PIAS3: variants seen among roughly 807,000 people sequenced by gnomAD.
PIAS3 encodes the protein protein inhibitor of activated STAT 3.
PIAS3 carries 34 observed loss-of-function variants against 67.6 expected under a neutral mutation model. The ratio of observed to expected loss-of-function variants is 0.50; its 90% confidence interval spans 0.38 to 0.67. PIAS3 has a LOEUF of 0.67. Among genes scored for constraint, PIAS3 ranks in the 30% least tolerant of loss-of-function variants. The pLI is 0.00. For missense variants in PIAS3, 693 were observed against 791.6 expected (o/e 0.88, Z 1.49); for synonymous variants, 341 against 313.8 (o/e 1.09, Z -0.92).
Position 145,849,324 on chromosome 1 carries a change from C to A in PIAS3, c.*122G>T. The A allele has an allele frequency of 9.9e-7, 1 of 1,012,476 alleles. No homozygotes were observed. The highest frequency in any genetic ancestry group is 1.3e-6 in the Non-Finnish European group (1 of 749,636). The allele number at this position is 1,012,476 out of a possible 1,614,324, so 62.7% of individuals were successfully genotyped here. On this transcript the variant is annotated 3_prime_UTR_variant, in exon 14 of 14. Coordinates refer to ENST00000393045, the MANE Select transcript of PIAS3 (RefSeq NM_006099.3). ...CAGAGATGAGGCCAAAAGTAGGCAT[C>A]TGTGAAGGTCTGTCTGGCCCTTGGC...
intron 4 of PIAS3, 38 bp downstream of exon 4, chr1:145,856,030 C>G (rs782535681): frequency 3.9e-6 from 6 of 1,557,780 alleles, no homozygotes; most frequent in Non-Finnish European, 5.3e-6. Flanking sequence ...CTCCTACCCC[C>G]AGTGGGTACC....
chr1:145,849,576 G>A lies in PIAS3; in HGVS notation c.1757C>T (p.Pro586Leu), dbSNP rs781998989. The A allele has an allele frequency of 1.9e-5, 31 of 1,611,340 alleles. No homozygotes were observed. Among genetic ancestry groups the A allele is most frequent in the South Asian group, 4.4e-5 (4 of 90,572 alleles). The change falls in exon 14 of 14, where the codon CCG (proline) becomes CTG (leucine). Residue 586 changes from proline to leucine, a missense_variant. Pro to Leu is a moderately conservative substitution (Grantham distance 98, BLOSUM62 -3). Transcript: ENST00000393045. ...TLGSSHCSAT[P>L]APPPGRVSSI... is the part of the protein sequence containing the mutation. ...GCTGACACGGCCAGGAGGGGGCGCCGGAGTGGCGCTGCAGTGGGAGCTCCC... is the reference window on the plus strand; with the variant it reads ...GCTGACACGGCCAGGAGGGGGCGCCAGAGTGGCGCTGCAGTGGGAGCTCCC...
intron 4 of PIAS3, 86 bp downstream of exon 4, chr1:145,855,982 G>A: frequency 8.6e-7 from 1 of 1,167,600 alleles, no homozygotes; most frequent in Non-Finnish European, 1.3e-6. Flanking sequence ...GGCAGAGCAG[G>A]GACATCTCGT....
At chr1:145,853,445 T>C (rs1451973559) in intron 9 of PIAS3, 59 bp downstream of exon 9, 1 of 1,139,628 alleles carries the variant, frequency 8.8e-7, no homozygotes, top group African/African-American at 1.6e-5. Context: ...GAAAAAGAAA[T>C]AACCAAGAAA....
intron 1 of PIAS3, 116 bp downstream of exon 1, chr1:145,858,851 G>A (rs1197135580): frequency 1.1e-6 from 1 of 903,008 alleles, no homozygotes; most frequent in Admixed American, 4.1e-5. Context: ...TCAGCAGCTC[G>A]TGCCTGCCAC....
chr1:145,858,382 G>C (rs980923702), intron 1 of PIAS3, among the ~76,000 whole-genome samples: 1 of 151,778 alleles, frequency 6.6e-6, no homozygotes, highest in Non-Finnish European at 1.5e-5. Flanking sequence ...GATTCACTAC[G>C]GCAGGACCTT....
chr1:145,853,828 C>T lies in PIAS3; in HGVS notation c.969G>A (p.Val323=), dbSNP rs1452387566. 7.4e-6 allele frequency: 12 copies of T among 1,613,960 alleles called. No individual in the cohort carries two copies. The highest frequency in any genetic ancestry group is 1.0e-5 in the Non-Finnish European group (12 of 1,179,964). ...DSEVATTSLR[V]SLMCPLGKMR... Reference sequence around the variant, plus strand: ...TTTTACCCACCGGGCACATGAGTGACACCCGGAGACTTGTAGTGGCCACCT... The same window carrying T: ...TTTTACCCACCGGGCACATGAGTGATACCCGGAGACTTGTAGTGGCCACCT... Residue 323 remains valine, a synonymous_variant, in exon 8 of 14, where the codon GTG becomes GTA. Coordinates refer to ENST00000393045, the MANE Select transcript of PIAS3 (RefSeq NM_006099.3).
At position 145,849,003 on chromosome 1, in the gene PIAS3, A is replaced by C; in HGVS notation, c.*443T>G. On this transcript the variant is annotated 3_prime_UTR_variant, in exon 14 of 14. Transcript: ENST00000393045. Reference sequence around the variant, plus strand: ...TGTCTGTTTGGCCGAAGGGAATGGAATAGACATGAAGAGACAATGGATGTG... The same window carrying C: ...TGTCTGTTTGGCCGAAGGGAATGGACTAGACATGAAGAGACAATGGATGTG... 6.1e-6 allele frequency: 1 copy of C among 162,952 alleles called. No homozygotes were observed. The allele number at this position is 162,952 out of a possible 1,614,324, so 10.1% of individuals were successfully genotyped here. A position where few individuals can be genotyped will look rare whatever the true frequency, so the allele number is the denominator to read the frequency against.
rs185601681 is a variant in PIAS3, at chr1:145,850,233, T to G, written c.1619A>C (p.Gln540Pro). 2 of 1,614,202 alleles carry G rather than the reference T, an allele frequency of 1.2e-6. No homozygotes were observed. Among genetic ancestry groups the G allele is most frequent in the Non-Finnish European group, 1.7e-6 (2 of 1,180,020 alleles). ...DLFSFLQTESQHYGPSVITSL... is the reference protein window; with the variant it reads ...DLFSFLQTESPHYGPSVITSL... ...CCTTCTGAAGAAAGAACCACTTACC[T>G]GACTCTCTGTCTGAAGAAATGAAAA... Residue 540 changes from glutamine (Q) to proline (P), a missense_variant and splice_region_variant, in exon 13 of 14, where the codon CAG becomes CCG. Gln to Pro is a moderately conservative substitution (Grantham distance 76). Transcript: ENST00000393045.
At position 145,853,641 on chromosome 1, in the gene PIAS3, G is replaced by C. The variant is rs782134992; in HGVS notation, c.1008C>G (p.Val336=). Reference sequence around the variant, plus strand: ...GGGCGCAGGTGAGGGCACGACAAGGGACAGTCAGGCGCATCTTCCCTAGCT... The same window carrying C: ...GGGCGCAGGTGAGGGCACGACAAGGCACAGTCAGGCGCATCTTCCCTAGCT... ...MCPLGKMRLT[V]PCRALTCAHL... is the part of the protein sequence containing the mutation. Residue 336 remains valine, a synonymous_variant, in exon 9 of 14, where the codon GTC becomes GTG. Transcript: ENST00000393045. 3 of 1,614,004 alleles carry C rather than the reference G, an allele frequency of 1.9e-6. No individual in the cohort carries two copies. In the Admixed American group the frequency reaches 5.0e-5, roughly 27 times the overall value.
chr1:145,855,234 C>A (rs1262931920), intron 5 of PIAS3, among the ~76,000 whole-genome samples: 2 of 152,170 alleles, frequency 1.3e-5, no homozygotes, highest in African/African-American at 4.8e-5. Context: ...GTAATCCCAG[C>A]ACTTTAGGAA....
Position 145,849,382 on chromosome 1 carries a change from T to A in PIAS3, c.*64A>T, listed in dbSNP as rs2101675919. The A allele has an allele frequency of 7.0e-7, 1 of 1,420,212 alleles. No individual in the cohort carries two copies. The highest frequency in any genetic ancestry group is 2.6e-5 in the East Asian group (1 of 37,806). 88.0% of individuals were successfully genotyped at this position (1,420,212 alleles called of 1,614,324 possible). A position where few individuals can be genotyped will look rare whatever the true frequency, so the allele number is the denominator to read the frequency against. ...CCCAGAGGGATCAGAGTAGCTGGGG[T>A]TGGGACTCCACAGCATACTTGCTCA... On this transcript the variant is annotated 3_prime_UTR_variant, in exon 14 of 14. Coordinates refer to ENST00000393045, the MANE Select transcript of PIAS3 (RefSeq NM_006099.3).
Position 145,855,951 on chromosome 1 carries a change from C to A in PIAS3, c.578+117G>T, listed in dbSNP as rs371745199. On this transcript the variant is annotated intron_variant, in intron 4 of 13. Coordinates refer to ENST00000393045, the MANE Select transcript of PIAS3 (RefSeq NM_006099.3). Reference sequence around the variant, plus strand: ...GAAGCCCTCAGCATCCAACAAGAGTCGCAGGGCTGCAGTAGGCAGTGGCAG... The same window carrying A: ...GAAGCCCTCAGCATCCAACAAGAGTAGCAGGGCTGCAGTAGGCAGTGGCAG... The A allele has an allele frequency of 1.3e-4, 136 of 1,061,324 alleles. 1 individual carries two copies. In the African/African-American group the frequency reaches 1.7e-3, roughly 14 times the overall value. 65.7% of individuals were successfully genotyped at this position (1,061,324 alleles called of 1,614,324 possible).
rs199636985 is a variant in PIAS3 at position 145,849,529 on chromosome 1, C to A, written c.1804G>T (p.Ala602Ser). The change falls in exon 14 of 14, where the codon GCC becomes TCC. Residue 602 changes from alanine to serine, a missense_variant. Ala to Ser is a moderately conservative substitution (Grantham distance 99). This residue lies in a region of PIAS3 where 270 missense variants were observed against 261.0 expected (regional missense o/e 1.03). Transcript: ENST00000393045. The part of the protein sequence containing the change: ...RVSSIVAPGG[A>S]LREGHGGPLP... ...GGTCCTCCATGCCCCTCCCTCAAGG[C>A]CCCCCCAGGGGCCACAATGCTGCTG... 4.4e-6 allele frequency: 7 copies of A among 1,578,558 alleles called. No individual in the cohort carries two copies. The South Asian group carries it at 5.8e-5, about 13-fold the overall frequency.
chr1:145,851,303 A>C lies in PIAS3; in HGVS notation c.1146-150T>G, dbSNP rs1232047784. 6.7e-6 allele frequency: 5 copies of C among 749,366 alleles called. No individual in the cohort carries two copies. In the African/African-American group the frequency reaches 8.8e-5, roughly 13 times the overall value. The allele number at this position is 749,366 out of a possible 1,614,324, so 46.4% of individuals were successfully genotyped here. On this transcript the variant is annotated intron_variant, in intron 9 of 13. Coordinates refer to ENST00000393045, the MANE Select transcript of PIAS3 (RefSeq NM_006099.3). Reference sequence around the variant, plus strand: ...TACTGGACCGCTCTGAGTTGTTGGAATCAAATAACACAAGGTATGTAAAAG... The same window carrying C: ...TACTGGACCGCTCTGAGTTGTTGGACTCAAATAACACAAGGTATGTAAAAG...
intron 9 of PIAS3, chr1:145,851,384 A>G: frequency 2.0e-6 from 1 of 495,218 alleles, no homozygotes; most frequent in Non-Finnish European, 3.6e-6. Flanking sequence ...GGCTGGGTGC[A>G]GTGGCTCACG....
chr1:145,850,406 G>A, intron 12 of PIAS3, 47 bp downstream of exon 12: 1 of 1,612,084 alleles, frequency 6.2e-7, no homozygotes, highest in Non-Finnish European at 8.5e-7. Context: ...ATGTAGCTCT[G>A]GGGAGGGTGT....
At chr1:145,853,709 C>T (rs1553734859) in intron 8 of PIAS3, 45 bp from the exon 9 acceptor site, 1 of 1,610,042 alleles carries the variant, frequency 6.2e-7, no homozygotes. Context: ...ACTCTGATTT[C>T]ATCCCAGAAA....
Position 145,848,576 on chromosome 1 carries a change from A to G in PIAS3, c.*870T>C, listed in dbSNP as rs2101674792. On this transcript the variant is annotated 3_prime_UTR_variant, in exon 14 of 14. Coordinates refer to ENST00000393045, the MANE Select transcript of PIAS3 (RefSeq NM_006099.3). Reference sequence around the variant, plus strand: ...AGCTTCACTACAACTTTAGAAATAAAAAGTAAAATTACAACATAGGTCCTA... The same window carrying G: ...AGCTTCACTACAACTTTAGAAATAAGAAGTAAAATTACAACATAGGTCCTA... 3.3e-6 allele frequency: 3 copies of G among 914,122 alleles called. No individual in the cohort carries two copies. The highest frequency in any genetic ancestry group is 5.2e-6 in the Non-Finnish European group (3 of 581,806). 56.6% of individuals were successfully genotyped at this position (914,122 alleles called of 1,614,324 possible).
Sources: gnomAD v4.1 joint callset for allele counts (sites outside exome capture counted in the v4.1 genomes callset) on GRCh38, gnomAD v4.1.1 for gene constraint, gnomAD v4.1.1 regional missense constraint, MANE v1.5 for transcripts, NCBI Gene and HGNC (gene_info 2026-07-23, HGNC 2026-07-21) for gene names.